Variants in GPHN observed in about 807,000 individuals in gnomAD.
GPHN encodes the protein gephyrin.
GPHN carries 17 observed loss-of-function variants against 95.5 expected under a neutral mutation model. The ratio of observed to expected loss-of-function variants is 0.18; its 90% CI spans 0.12 to 0.27. The LOEUF (loss-of-function observed/expected upper bound fraction) is 0.27, where lower values mean the gene tolerates loss of function less well. Ranked by LOEUF, GPHN falls within the 10% of genes least tolerant of loss-of-function variation. GPHN has a pLI of 1.00. For synonymous variants in GPHN, 320 were observed against 322.5 expected (o/e 0.99, Z 0.08); for missense variants, 660 against 978.1 (o/e 0.67, Z 4.34).
At chr14:67,380,626 G>A in the GPHN span, 1 of 1,251,134 alleles carries the variant, frequency 8.0e-7, no homozygotes. Context: ...ATATAACCTT[G>A]ACCTTTTGTT....
chr14:66,730,205 G>T (rs1237389444), intron 2 of GPHN, among the ~76,000 whole-genome samples: 1 of 152,188 alleles, frequency 6.6e-6, no homozygotes, highest in Non-Finnish European at 1.5e-5. Flanking sequence ...ATTCAGGGTT[G>T]TGCTTAAACG....
At chr14:66,663,962 G>A (rs1335621535) in intron 1 of GPHN, among the ~76,000 whole-genome samples, 2 of 152,122 alleles carry the variant, frequency 1.3e-5, no homozygotes, top group Non-Finnish European at 2.9e-5. Context: ...CCCAACACTG[G>A]AGCACCCAGA....
chr14:66,572,651 C>CT (rs370471152), intron 1 of GPHN, among the ~76,000 whole-genome samples: 6,014 of 148,508 alleles, frequency 0.04, 171 homozygotes, highest in Middle Eastern at 0.066. Flanking sequence ...TTAGTTTTAA[C>CT]TTTTTTTTTT....
In GPHN at chr14:66,643,116, C is replaced by T. The variant is rs1378985224; in HGVS notation, c.65-37991C>T. 5.3e-5 allele frequency among the ~76,000 whole-genome samples: 8 copies of T among 152,110 alleles called. No homozygotes were observed. The South Asian group carries it at 1.0e-3, about 20-fold the overall frequency. ...AATGAATAAAAGACTTGAAAAGGCA[C>T]TTCACAAATAGTATATGTTCAATAT... On this transcript the variant is annotated intron_variant, in intron 1 of 22. Transcript: ENST00000478722.
intron 3 of GPHN, among the ~76,000 whole-genome samples, chr14:66,811,421 TAATAA>T (rs2060756886): frequency 6.6e-6 from 1 of 152,162 alleles, no homozygotes; most frequent in Non-Finnish European, 1.5e-5. Flanking sequence ...ATTGGTTGTC[TAATAA>T]AATGTTTGTG....
the GPHN span, among the ~76,000 whole-genome samples, chr14:67,674,069 G>A: frequency 2.0e-5 from 3 of 152,188 alleles, no homozygotes; most frequent in African/African-American, 7.2e-5. Context: ...AAACAGCTAT[G>A]AAAGAAACCC....
At chr14:66,571,404 A>G (rs956949647) in intron 1 of GPHN, among the ~76,000 whole-genome samples, 1 of 152,122 alleles carries the variant, frequency 6.6e-6, no homozygotes, top group African/African-American at 2.4e-5. Flanking sequence ...CCATTATCAT[A>G]TGGTTTGCAA....
At chr14:67,637,954 G>A in the GPHN span, among the ~76,000 whole-genome samples, 1 of 152,208 alleles carries the variant, frequency 6.6e-6, no homozygotes, top group African/African-American at 2.4e-5. Flanking sequence ...AAAAGAGGAG[G>A]TGTGCTTTCT....
chr14:66,557,594 A>T (rs769960742), intron 1 of GPHN, among the ~76,000 whole-genome samples: 1 of 152,226 alleles, frequency 6.6e-6, no homozygotes. Context: ...AAGTTAGAAC[A>T]TACTACATAA....
Position 66,910,218 on chromosome 14 carries a change from T to C in GPHN, c.390-5785T>C, listed in dbSNP as rs1007378191. 1.6e-4 allele frequency among the ~76,000 whole-genome samples: 25 copies of C among 151,984 alleles called. 1 individual carries two copies. The highest frequency in any genetic ancestry group is 1.2e-3 in the Admixed American group (18 of 15,244). On this transcript the variant is annotated intron_variant, in intron 5 of 22. Transcript: ENST00000478722. ...ATATATGAACACTAAAATGTTTAGATTTAAGTTTAAAATTACAAATAAAGA... is the reference window on the plus strand; with the variant it reads ...ATATATGAACACTAAAATGTTTAGACTTAAGTTTAAAATTACAAATAAAGA...
the GPHN span, chr14:67,348,922 T>C: frequency 1.0e-6 from 1 of 967,862 alleles, no homozygotes; most frequent in Non-Finnish European, 1.5e-6. Context: ...GCCAATCAAC[T>C]TGTTCTAAGT....
chr14:66,730,859 G>T (rs190377282), intron 2 of GPHN, among the ~76,000 whole-genome samples: 8 of 152,278 alleles, frequency 5.3e-5, no homozygotes, highest in Non-Finnish European at 1.0e-4. Flanking sequence ...TTGGCTCTGT[G>T]CCCCTACCTA....
chr14:67,393,807 C>T, the GPHN span, among the ~76,000 whole-genome samples: 1 of 152,248 alleles, frequency 6.6e-6, no homozygotes, highest in Non-Finnish European at 1.5e-5. Context: ...GCACGGCTCA[C>T]CCCTCATAAA....
At chr14:66,519,815 G>C (rs1374870510) in intron 1 of GPHN, among the ~76,000 whole-genome samples, 1 of 152,072 alleles carries the variant, frequency 6.6e-6, no homozygotes, top group Non-Finnish European at 1.5e-5. Flanking sequence ...ATACTTTCTA[G>C]AGCCTGTTAC....
the GPHN span, among the ~76,000 whole-genome samples, chr14:67,468,782 C>T: frequency 6.6e-6 from 1 of 152,142 alleles, no homozygotes; most frequent in Non-Finnish European, 1.5e-5. Flanking sequence ...GTAATCCCAG[C>T]TACTTGGGAG....
the GPHN span, among the ~76,000 whole-genome samples, chr14:67,502,889 A>T: frequency 6.6e-6 from 1 of 152,170 alleles, no homozygotes; most frequent in Admixed American, 6.5e-5. Context: ...ATGTATTAAG[A>T]TTTACAAAAC....
rs1438994369 is a variant in GPHN at position 66,795,641 on chromosome 14, A to C, written c.201+19120A>C. Among the ~76,000 whole-genome samples, 5 of 152,134 alleles carry C rather than the reference A, an allele frequency of 3.3e-5. No individual in the cohort carries two copies. In the East Asian group the frequency reaches 9.6e-4, roughly 29 times the overall value. On this transcript the variant is annotated intron_variant, in intron 3 of 22. Coordinates refer to ENST00000478722, the MANE Select transcript of GPHN (RefSeq NM_020806.5). ...CATCCATCCATTATAGTTTCTACTAATAATAATCACTTTTACCATTTCTAA... is the reference window on the plus strand; with the variant it reads ...CATCCATCCATTATAGTTTCTACTACTAATAATCACTTTTACCATTTCTAA...
At chr14:67,634,056 C>T in the GPHN span, among the ~76,000 whole-genome samples, 2 of 152,142 alleles carry the variant, frequency 1.3e-5, no homozygotes, top group Admixed American at 6.5e-5. Context: ...TTTCTGCATT[C>T]CTAGGATTTA....
intron 6 of GPHN, among the ~76,000 whole-genome samples, chr14:66,916,502 GT>G (rs755169347): frequency 0.024 from 3,038 of 128,236 alleles, 35 homozygotes; most frequent in Non-Finnish European, 0.029. Context: ...TTTTGGTTTG[GT>G]TTTTTTTTTT....
Sources: gnomAD v4.1 joint callset for allele counts (sites outside exome capture counted in the v4.1 genomes callset) on GRCh38, gnomAD v4.1.1 for gene constraint, MANE v1.5 for transcripts, NCBI Gene and HGNC (gene_info 2026-07-23, HGNC 2026-07-21) for gene names.